The following PDE1A variants were observed in gnomAD, a reference collection of about 807,000 sequenced individuals.
PDE1A encodes the protein dual specificity calcium/calmodulin-dependent 3',5'-cyclic nucleotide phosphodiesterase 1A.
PDE1A carries 35 observed loss-of-function variants against 61.7 expected under a neutral mutation model. The observed-to-expected ratio is 0.57, with a 90% CI of 0.43 to 0.75. PDE1A has a LOEUF of 0.75. Ranked by LOEUF, PDE1A falls within the 30% of genes least tolerant of loss-of-function variation. PDE1A has a pLI of 0.00. For synonymous variants in PDE1A, 232 were observed against 213.2 expected (o/e 1.09, Z -0.77); for missense variants, 597 against 630.6 (o/e 0.95, Z 0.57).
chr2:182,287,327 A>T (rs920226857), intron 1 of PDE1A, among the ~76,000 whole-genome samples: 1 of 152,036 alleles, frequency 6.6e-6, no homozygotes, highest in Non-Finnish European at 1.5e-5. Flanking sequence ...TACCACATCG[A>T]TGTATTTTAA....
rs77854495 is a variant in PDE1A at position 182,250,909 on chromosome 2, G to T, written c.168-10617C>A. Among the ~76,000 whole-genome samples the T allele has an allele frequency of 1.3e-3, 196 of 152,268 alleles. 2 individuals are homozygous for T. The highest frequency in any genetic ancestry group is 4.6e-3 in the African/African-American group (191 of 41,556). ...CCAGGAGAGGCAGAAAGGACCCAAA[G>T]AATGTTGAGGGGAAGGGCCTGAGAA... On this transcript the variant is annotated intron_variant, in intron 2 of 13. Transcript: ENST00000351439.
chr2:182,611,425 C>T, the PDE1A span, among the ~76,000 whole-genome samples: 1 of 152,150 alleles, frequency 6.6e-6, no homozygotes, highest in East Asian at 1.9e-4. Context: ...ACAAAATAAT[C>T]CCAAGGCACA....
At chr2:182,570,139 A>G in the PDE1A span, among the ~76,000 whole-genome samples, 79 of 152,342 alleles carry the variant, frequency 5.2e-4, no homozygotes, top group African/African-American at 1.9e-3. Flanking sequence ...GAGGTGGTTT[A>G]CGTAAAACAT....
chr2:182,317,325 A>T (rs1696400202), intron 1 of PDE1A, among the ~76,000 whole-genome samples: 2 of 151,784 alleles, frequency 1.3e-5, no homozygotes, highest in African/African-American at 2.4e-5. Context: ...CATTCTGCAT[A>T]GTATCATTCT....
the PDE1A span, among the ~76,000 whole-genome samples, chr2:182,552,613 G>A: frequency 3.2e-4 from 49 of 151,834 alleles, no homozygotes; most frequent in Non-Finnish European, 1.5e-5. Context: ...CTTTAAACAC[G>A]GGGCTTGCAA....
At chr2:182,715,535 C>T in the PDE1A span, among the ~76,000 whole-genome samples, 1 of 152,120 alleles carries the variant, frequency 6.6e-6, no homozygotes. Flanking sequence ...CCTCTAGGCT[C>T]GGTTTTCTCT....
At chr2:182,471,977 A>G (rs1188335011) in intron 2 of PDE1A, among the ~76,000 whole-genome samples, 1 of 151,896 alleles carries the variant, frequency 6.6e-6, no homozygotes, top group Non-Finnish European at 1.5e-5. Flanking sequence ...ATCACTAATA[A>G]TCAGATGAAT....
intron 1 of PDE1A, among the ~76,000 whole-genome samples, chr2:182,367,151 G>C (rs1028892397): frequency 6.6e-6 from 1 of 151,816 alleles, no homozygotes; most frequent in Non-Finnish European, 1.5e-5. Flanking sequence ...AAACAAGCTT[G>C]CTTTTGTTGA....
rs376586206 is a variant in PDE1A, at chr2:182,295,287, G to A, written c.54-30873C>T. 1.8e-4 allele frequency among the ~76,000 whole-genome samples: 27 copies of A among 151,746 alleles called. No individual in the cohort carries two copies. In the East Asian group the frequency reaches 5.1e-3, roughly 28 times the overall value. On this transcript the variant is annotated intron_variant, in intron 1 of 13. Coordinates refer to ENST00000351439, the Ensembl canonical transcript of PDE1A. ...GACGGGGTTTCACCTTGTTAGCCAG[G>A]ATGGTCTCGATCTCCTGACCTCATG...
At chr2:182,344,967 C>A (rs1698432327) in intron 1 of PDE1A, among the ~76,000 whole-genome samples, 1 of 152,146 alleles carries the variant, frequency 6.6e-6, no homozygotes, top group Non-Finnish European at 1.5e-5. Flanking sequence ...CACCCCGATT[C>A]AGTGCACTGT....
chr2:182,572,341 ACT>A, the PDE1A span, among the ~76,000 whole-genome samples: 90 of 152,270 alleles, frequency 5.9e-4, no homozygotes, highest in African/African-American at 2.1e-3. Context: ...TTCTGATATA[ACT>A]CTGCAGGAAA....
At position 182,186,126 on chromosome 2, in the gene PDE1A, G is replaced by A. The variant is rs570919184; in HGVS notation, c.1329-47C>T. 1.4e-5 allele frequency: 22 copies of A among 1,582,814 alleles called. No homozygotes were observed. In the African/African-American group the frequency reaches 2.9e-4, roughly 21 times the overall value. ...ACCAAAAAACACCATCAGGATATGG[G>A]GTGAACAAGGAAAACCTGAAAAACT... On this transcript the variant is annotated intron_variant, in intron 12 of 13. Coordinates refer to ENST00000351439, the Ensembl canonical transcript of PDE1A.
At chr2:182,590,205 C>T in the PDE1A span, among the ~76,000 whole-genome samples, 8 of 152,066 alleles carry the variant, frequency 5.3e-5, no homozygotes, top group African/African-American at 1.9e-4. Flanking sequence ...GTGGCTCATG[C>T]CTATAATCTC....
chr2:182,482,478 T>C (rs962990932), intron 2 of PDE1A, among the ~76,000 whole-genome samples: 1 of 151,662 alleles, frequency 6.6e-6, no homozygotes. Flanking sequence ...CTTCTGACCA[T>C]GAAGGAGTAA....
the PDE1A span, among the ~76,000 whole-genome samples, chr2:182,615,357 C>G: frequency 2.5e-3 from 372 of 151,806 alleles, 1 homozygote; most frequent in African/African-American, 8.5e-3. Context: ...CAGTCTTGCC[C>G]CAAAAGCAGT....
chr2:182,390,103 C>T (rs538359766), intron 1 of PDE1A, among the ~76,000 whole-genome samples: 8 of 152,198 alleles, frequency 5.3e-5, no homozygotes, highest in East Asian at 1.9e-4. Flanking sequence ...TCATGTGAGT[C>T]GGTACTCCTT....
chr2:182,211,075 T>C (rs1687553057), intron 7 of PDE1A, among the ~76,000 whole-genome samples: 2 of 152,162 alleles, frequency 1.3e-5, no homozygotes, highest in Admixed American at 6.5e-5. Context: ...CATTTTATAA[T>C]GGCATTAATT....
chr2:182,291,850 G>A (rs1205403025), intron 1 of PDE1A, among the ~76,000 whole-genome samples: 1 of 152,078 alleles, frequency 6.6e-6, no homozygotes, highest in Admixed American at 6.6e-5. Flanking sequence ...GACATTCAAA[G>A]AAAATTTTTA....
the PDE1A span, among the ~76,000 whole-genome samples, chr2:182,540,536 T>G: frequency 6.6e-6 from 1 of 152,014 alleles, no homozygotes; most frequent in Non-Finnish European, 1.5e-5. Context: ...ATTATTAAAT[T>G]GGCCACACTG....
Sources: allele counts gnomAD v4.1 joint callset (sites outside exome capture counted in the v4.1 genomes callset), GRCh38; gene constraint gnomAD v4.1.1; transcripts MANE v1.5; gene names NCBI Gene and HGNC (gene_info 2026-07-23, HGNC 2026-07-21).